The following IGSF11 variants were observed in gnomAD, a reference collection of about 807,000 sequenced individuals.
IGSF11 encodes CXADR like 1.
In IGSF11, 22 loss-of-function variants were observed where a neutral mutation model predicts 41.0. The observed-to-expected ratio is 0.54, with a 90% CI of 0.38 to 0.77. The LOEUF (loss-of-function observed/expected upper bound fraction) is 0.77, where lower values mean the gene tolerates loss of function less well. Among genes scored for constraint, IGSF11 ranks in the 30% least tolerant of loss-of-function variants. The probability of loss-of-function intolerance (pLI) is 0.00; values close to 1 mark genes in which losing one functional copy is unlikely to be tolerated. For synonymous variants in IGSF11, 219 were observed against 201.3 expected (o/e 1.09, Z -0.74); for missense variants, 444 against 530.8 (o/e 0.84, Z 1.61).
chr3:119,036,684 T>A (rs1164254925), upstream of IGSF11, among the ~76,000 whole-genome samples: 5 of 129,510 alleles, frequency 3.9e-5, no homozygotes, highest in Admixed American at 4.0e-4. Context: ...AGGCACCAGG[T>A]TTAAGGTTAA....
chr3:119,071,980 A>G (rs2076406384), intron 1 of IGSF11, among the ~76,000 whole-genome samples: 1 of 152,210 alleles, frequency 6.6e-6, no homozygotes, highest in Non-Finnish European at 1.5e-5. Flanking sequence ...ATGTCTTTCT[A>G]CTTATTTAGG....
chr3:118,927,739 C>A (rs1942456503), intron 3 of IGSF11, among the ~76,000 whole-genome samples: 1 of 152,134 alleles, frequency 6.6e-6, no homozygotes, highest in Non-Finnish European at 1.5e-5. Context: ...TCCATCTCCC[C>A]AGATGAACTG....
intron 1 of IGSF11, among the ~76,000 whole-genome samples, chr3:119,005,897 C>A (rs373851665): frequency 7.5e-6 from 1 of 134,018 alleles, no homozygotes; most frequent in Non-Finnish European, 1.5e-5. Context: ...GCCCTTAACA[C>A]TTTTTCCTTC....
chr3:118,957,006 G>A lies in IGSF11; in HGVS notation c.53-26731C>T, dbSNP rs115689244. On this transcript the variant is annotated intron_variant, in intron 1 of 6. Transcript: ENST00000393775. ...AGGAATTGGCTCACTAGATTGGAGA[G>A]GCTGAGAAGTCCCATGATTTTCCAT... 1.3e-3 allele frequency among the ~76,000 whole-genome samples: 201 copies of A among 152,130 alleles called. 2 individuals are homozygous for A. The highest frequency in any genetic ancestry group is 3.9e-3 in the African/African-American group (161 of 41,488).
intron 1 of IGSF11, among the ~76,000 whole-genome samples, chr3:119,087,579 C>T (rs9864267): frequency 0.018 from 2,685 of 151,766 alleles, 82 homozygotes; most frequent in African/African-American, 0.061. Flanking sequence ...GCTATGAGGA[C>T]GCAAATGTGT....
intron 5 of IGSF11, 142 bp from the exon 6 acceptor site, chr3:118,904,940 A>C: frequency 1.5e-6 from 1 of 649,130 alleles, no homozygotes; most frequent in Non-Finnish European, 2.5e-6. Flanking sequence ...CATCTATATA[A>C]AGTTAAACCT....
chr3:118,976,583 A>C (rs1934134417), intron 1 of IGSF11, among the ~76,000 whole-genome samples: 1 of 152,104 alleles, frequency 6.6e-6, no homozygotes, highest in Admixed American at 6.5e-5. Flanking sequence ...GGAGAACAAA[A>C]CTCCTGCTAC....
chr3:119,103,123 A>C (rs140022277), intron 1 of IGSF11, among the ~76,000 whole-genome samples: 2 of 150,674 alleles, frequency 1.3e-5, no homozygotes, highest in African/African-American at 4.9e-5. Flanking sequence ...TCAGTCTCCC[A>C]AGTAGCTGGG....
chr3:118,955,831 C>T (rs1944914649), intron 1 of IGSF11, among the ~76,000 whole-genome samples: 1 of 152,140 alleles, frequency 6.6e-6, no homozygotes, highest in Admixed American at 6.5e-5. Flanking sequence ...TAGCTCCTAA[C>T]AGGAGAGTCA....
At position 118,926,362 on chromosome 3, in the gene IGSF11, T is replaced by C. The variant is rs564130051; in HGVS notation, c.425-106A>G. ...CATTGGACCCTTAGATTACACTGTT[T>C]TGGGAACATATACCAGGAGACAGAC... On this transcript the variant is annotated intron_variant, in intron 3 of 6. Transcript: ENST00000393775. 8.9e-5 allele frequency: 81 copies of C among 911,894 alleles called. 1 individual carries two copies. The Middle Eastern group carries it at 1.8e-3, about 20-fold the overall frequency. The allele number at this position is 911,894 out of a possible 1,614,324, so 56.5% of individuals were successfully genotyped here.
rs149032596 is a variant in IGSF11 at position 119,032,257 on chromosome 3, A to T, written c.52+2274T>A. On this transcript the variant is annotated intron_variant, in intron 1 of 6. Transcript: ENST00000393775. ...TTGTAATGGAACCAGCTTTGTTCAG[A>T]TATACACCCCTCCTGCTATTCCACA... 7.7e-3 allele frequency among the ~76,000 whole-genome samples: 1,172 copies of T among 152,200 alleles called. 20 individuals carry two copies. The highest frequency in any genetic ancestry group is 0.026 in the African/African-American group (1,072 of 41,518).
intron 1 of IGSF11, among the ~76,000 whole-genome samples, chr3:119,134,511 T>A (rs988750513): frequency 6.6e-6 from 1 of 152,142 alleles, no homozygotes; most frequent in Admixed American, 6.5e-5. Flanking sequence ...TTACAAGGGA[T>A]GTGAAGGACC....
chr3:119,039,362 C>T (rs1445576639), upstream of IGSF11, among the ~76,000 whole-genome samples: 6 of 152,132 alleles, frequency 3.9e-5, no homozygotes, highest in Admixed American at 3.9e-4. Flanking sequence ...TCATGGTCCC[C>T]TTCTTCTATC....
chr3:119,075,254 T>A (rs1171684330), intron 1 of IGSF11, among the ~76,000 whole-genome samples: 1 of 152,082 alleles, frequency 6.6e-6, no homozygotes, highest in African/African-American at 2.4e-5. Flanking sequence ...CCTGGCAATA[T>A]ACAACTTCCC....
rs182189254 is a variant in IGSF11, at chr3:118,931,923, C to T, written c.53-1648G>A. Among the ~76,000 whole-genome samples, 304 of 152,008 alleles carry T rather than the reference C, an allele frequency of 2.0e-3. 1 individual carries two copies. The highest frequency in any genetic ancestry group is 6.7e-3 in the African/African-American group (278 of 41,456). On this transcript the variant is annotated intron_variant, in intron 1 of 6. Coordinates refer to ENST00000393775, the MANE Select transcript of IGSF11 (RefSeq NM_001015887.3). The stretch of plus-strand genomic sequence containing the variant: ...AATTTTTTTGTATTTTTAGTAGAGA[C>T]GGGGTTTCACCGTGTTAGCCAGGGT...
At chr3:119,035,478 C>T (rs1940853191), upstream of IGSF11, among the ~76,000 whole-genome samples, 2 of 152,168 alleles carry the variant, frequency 1.3e-5, no homozygotes, top group South Asian at 4.1e-4. Context: ...TCTCTTGCCC[C>T]TTTTGTAAAC....
At chr3:119,001,690 C>A (rs991784329) in intron 1 of IGSF11, among the ~76,000 whole-genome samples, 15 of 145,468 alleles carry the variant, frequency 1.0e-4, no homozygotes, top group Non-Finnish European at 2.1e-4. Context: ...TCTCATTGTT[C>A]AATTCCCATC....
chr3:119,039,860 G>A (rs1397007802), intron 1 of IGSF11, among the ~76,000 whole-genome samples: 3 of 152,056 alleles, frequency 2.0e-5, no homozygotes, highest in Admixed American at 6.5e-5. Context: ...AAATTATGAC[G>A]GAGACAGTGA....
chr3:119,047,538 A>G (rs1259331407), intron 1 of IGSF11, among the ~76,000 whole-genome samples: 1 of 152,226 alleles, frequency 6.6e-6, no homozygotes, highest in Non-Finnish European at 1.5e-5. Context: ...ACTCCCACAC[A>G]TTAATAATGG....
Sources: gnomAD v4.1 joint callset for allele counts (sites outside exome capture counted in the v4.1 genomes callset) on GRCh38, gnomAD v4.1.1 for gene constraint, MANE v1.5 for transcripts, NCBI Gene and HGNC (gene_info 2026-07-23, HGNC 2026-07-21) for gene names.